The following UBR1 variants were observed in gnomAD, a reference collection of about 807,000 sequenced individuals.
The protein encoded by UBR1 is ubiquitin protein ligase E3 component n-recognin 1, also known as E3 ubiquitin-protein ligase UBR1.
A neutral mutation model predicts 242.1 loss-of-function variants in UBR1; 102 were observed. The observed-to-expected ratio is 0.42, with a 90% CI of 0.36 to 0.50. The LOEUF (loss-of-function observed/expected upper bound fraction) is 0.50, where lower values mean the gene tolerates loss of function less well. Ranked by LOEUF, UBR1 falls within the 20% of genes least tolerant of loss-of-function variation. The pLI is 0.01. For missense variants in UBR1, 1,772 were observed against 2,101.8 expected, an observed-to-expected ratio of 0.84 and a Z score of 3.07; for synonymous variants, 675 against 684.8, an observed-to-expected ratio of 0.99 and a Z score of 0.22.
At chr15:43,047,487 G>T (rs2033500484) in intron 13 of UBR1, among the ~76,000 whole-genome samples, 198 bp from the exon 14 acceptor site, 1 of 152,192 alleles carries the variant, frequency 6.6e-6, no homozygotes, top group East Asian at 1.9e-4. Flanking sequence ...GCTCTGTCTG[G>T]TATTTCTAGC....
intron 44 of UBR1, among the ~76,000 whole-genome samples, chr15:42,952,873 A>G (rs957841789): frequency 3.9e-5 from 6 of 152,098 alleles, no homozygotes; most frequent in African/African-American, 1.4e-4. Flanking sequence ...TGTTTAAAAG[A>G]AAAAAAATTA....
At chr15:43,017,056 G>A in intron 28 of UBR1, 39 bp downstream of exon 28, 1 of 1,514,880 alleles carries the variant, frequency 6.6e-7, no homozygotes, top group South Asian at 1.1e-5. Flanking sequence ...AGACAGAGAT[G>A]AATGTCACCA....
At position 42,966,229 on chromosome 15, in the gene UBR1, G is replaced by T. The variant is rs1371528453; in HGVS notation, c.4515C>A (p.Ile1505=). ...ATGCAGCACAGCGAAGATAAGGGGT[G>T]ATGCCATTCTTCAGTGAGACCCACA... ...WYLWVSLKNG[I]TPYLRCAALF... Residue 1505 remains isoleucine, a synonymous_variant, in exon 41 of 47, where the codon ATC becomes ATA. Coordinates refer to ENST00000290650, the MANE Select transcript of UBR1 (RefSeq NM_174916.3). 6.2e-7 allele frequency: 1 copy of T among 1,614,120 alleles called. No homozygotes were observed. Among genetic ancestry groups the T allele is most frequent in the South Asian group, 1.1e-5 (1 of 91,082 alleles).
At chr15:43,076,890 G>A (rs113147577) in intron 3 of UBR1, among the ~76,000 whole-genome samples, 9 of 85,886 alleles carry the variant, frequency 1.0e-4, no homozygotes, top group Admixed American at 2.2e-4. Context: ...CGCCCCGTCC[G>A]GGAGGGAGGT....
intron 34 of UBR1, among the ~76,000 whole-genome samples, chr15:42,989,489 G>A (rs925915549): frequency 4.6e-5 from 7 of 152,078 alleles, no homozygotes; most frequent in Non-Finnish European, 1.0e-4. Flanking sequence ...GTAGCAATGG[G>A]ATAGATAAAC....
chr15:43,079,158 G>A (rs780700346), intron 3 of UBR1, among the ~76,000 whole-genome samples: 14 of 151,258 alleles, frequency 9.3e-5, no homozygotes, highest in Admixed American at 2.0e-4. Flanking sequence ...TCAAAACAAC[G>A]GAACACAACT....
At chr15:42,987,497 C>T (rs900273508) in intron 35 of UBR1, among the ~76,000 whole-genome samples, 8 of 152,088 alleles carry the variant, frequency 5.3e-5, no homozygotes, top group Non-Finnish European at 7.4e-5. Flanking sequence ...GGGAGGATCA[C>T]GAGGTCAAGA....
chr15:42,967,975 T>C (rs1197957447), intron 40 of UBR1, among the ~76,000 whole-genome samples: 6 of 151,224 alleles, frequency 4.0e-5, no homozygotes, highest in African/African-American at 1.5e-4. Flanking sequence ...TGTACTGTTA[T>C]ACAATATATG....
rs1306913065 is a variant in UBR1, at chr15:43,043,346, C to G, written c.1718G>C (p.Arg573Thr). Residue 573 changes from arginine to threonine, a missense_variant, in exon 15 of 47, where the codon AGG becomes ACG. Physicochemically the swap from Arg to Thr is moderately conservative, Grantham distance 71. Coordinates refer to ENST00000290650, the MANE Select transcript of UBR1 (RefSeq NM_174916.3). Reference protein sequence around the residue: ...AYKECHKAVMRCSTSFISSSK... With the variant: ...AYKECHKAVMTCSTSFISSSK... ...ACTAGATATGAAACTGGTACTGCAC[C>G]TCATCACAGCTTTGTGACATTCTTT... The G allele has an allele frequency of 3.1e-6, 5 of 1,613,936 alleles. No homozygotes were observed. Among genetic ancestry groups the G allele is most frequent in the Non-Finnish European group, 3.4e-6 (4 of 1,180,024 alleles).
chr15:43,075,447 T>A (rs1172168686), intron 3 of UBR1, among the ~76,000 whole-genome samples: 1 of 152,168 alleles, frequency 6.6e-6, no homozygotes, highest in Non-Finnish European at 1.5e-5. Context: ...ATTTTTTTTT[T>A]AATTGTTATA....
At chr15:42,967,863 G>A (rs1289257201) in intron 40 of UBR1, among the ~76,000 whole-genome samples, 2 of 151,324 alleles carry the variant, frequency 1.3e-5, no homozygotes, top group South Asian at 2.1e-4. Context: ...GTTCAGCAGA[G>A]CATGCCTATC....
rs770836072 is a variant in UBR1, at chr15:42,970,539, T to C, written c.4438A>G (p.Ile1480Val). The change falls in exon 40 of 47, where the codon ATT becomes GTT. Residue 1480 changes from isoleucine to valine, a missense_variant. This residue lies in a region of UBR1 where 965 missense variants were observed against 1,079.7 expected (regional missense o/e 0.89). Coordinates refer to ENST00000290650, the MANE Select transcript of UBR1 (RefSeq NM_174916.3). ...ACTCACCCACTTGTATATTGAGAAA[T>C]TTCTGCAAAGAAAGAAGATGCGGAA... Reference protein sequence around the residue: ...AHSASSFFAEISQYTSGSIGC... With the variant: ...AHSASSFFAEVSQYTSGSIGC... 2 of 1,613,518 alleles carry C rather than the reference T, an allele frequency of 1.2e-6. No individual in the cohort carries two copies. Among genetic ancestry groups the C allele is most frequent in the African/African-American group, 2.7e-5 (2 of 74,936 alleles).
chr15:42,987,711 CAAAAAAA>C (rs35169116), intron 35 of UBR1, among the ~76,000 whole-genome samples: 5 of 54,636 alleles, frequency 9.2e-5, no homozygotes, highest in African/African-American at 3.7e-4. Flanking sequence ...GACTCTGTCT[CAAAAAAA>C]AAAAAAAAAA....
Position 43,007,108 on chromosome 15 carries a change from T to A in UBR1, c.3386A>T (p.His1129Leu). The change falls in exon 30 of 47, where the codon CAC (histidine) becomes CTC (leucine). Residue 1129 changes from histidine (H) to leucine (L), a missense_variant. Coordinates refer to ENST00000290650, the MANE Select transcript of UBR1 (RefSeq NM_174916.3). Reference sequence around the variant, plus strand: ...TGAGAGTTCTATGGGTTTTCCCCTGTGCTGGGTTAAGGCAGTAGATTTCTG... The same window carrying A: ...TGAGAGTTCTATGGGTTTTCCCCTGAGCTGGGTTAAGGCAGTAGATTTCTG... The part of the protein sequence containing the change: ...CVQKSTALTQ[H>L]RGKPIELSGE... The A allele has an allele frequency of 6.2e-7, 1 of 1,614,192 alleles. No homozygotes were observed.
intron 42 of UBR1, among the ~76,000 whole-genome samples, chr15:42,962,156 TAC>T (rs1450581555): frequency 2.0e-5 from 3 of 152,190 alleles, no homozygotes; most frequent in African/African-American, 7.2e-5. Context: ...ATTTATTTTT[TAC>T]AGAGTATATC....
intron 29 of UBR1, among the ~76,000 whole-genome samples, chr15:43,015,405 G>A (rs1286982434): frequency 4.0e-5 from 6 of 151,896 alleles, no homozygotes; most frequent in Admixed American, 1.3e-4. Context: ...GATTAAGGGC[G>A]GTGCAAGATG....
At chr15:43,059,947 C>A in intron 7 of UBR1, 105 bp downstream of exon 7, 2 of 1,541,098 alleles carry the variant, frequency 1.3e-6, no homozygotes, top group South Asian at 2.2e-5. Flanking sequence ...CATCTAGGTG[C>A]CCCAAACCAC....
At position 43,069,545 on chromosome 15, in the gene UBR1, G is replaced by C. The variant is rs553011633; in HGVS notation, c.659+1250C>G. Among the ~76,000 whole-genome samples, 10 of 152,342 alleles carry C rather than the reference G, an allele frequency of 6.6e-5. No individual in the cohort carries two copies. In the East Asian group the frequency reaches 1.9e-3, roughly 29 times the overall value. On this transcript the variant is annotated intron_variant, in intron 5 of 46. Coordinates refer to ENST00000290650, the MANE Select transcript of UBR1 (RefSeq NM_174916.3). ...CCACCTCGGCCTCCCAAAGTGCTGGGATTACAGGCGTGAGCCGCCGCGCCC... is the reference window on the plus strand; with the variant it reads ...CCACCTCGGCCTCCCAAAGTGCTGGCATTACAGGCGTGAGCCGCCGCGCCC...
intron 12 of UBR1, among the ~76,000 whole-genome samples, chr15:43,050,851 A>T (rs1368924816): frequency 6.6e-6 from 1 of 152,208 alleles, no homozygotes; most frequent in East Asian, 1.9e-4. Flanking sequence ...ATCATTGGAG[A>T]AATGCAAATC....
Sources: allele counts gnomAD v4.1 joint callset (sites outside exome capture counted in the v4.1 genomes callset), GRCh38; gene constraint gnomAD v4.1.1; regional missense constraint gnomAD v4.1.1; transcripts MANE v1.5; gene names NCBI Gene and HGNC (gene_info 2026-07-23, HGNC 2026-07-21).